The following LRRC4C variants were observed in gnomAD, a reference collection of about 807,000 sequenced individuals.
The protein encoded by LRRC4C is leucine rich repeat containing 4C, also known as leucine-rich repeat-containing protein 4C.
A neutral mutation model predicts 33.6 loss-of-function variants in LRRC4C; 5 were observed. The observed-to-expected ratio is 0.15, with a 90% confidence interval of 0.08 to 0.31. LRRC4C has a LOEUF of 0.31. Ranked by LOEUF, LRRC4C falls within the 10% of genes least tolerant of loss-of-function variation. The probability of loss-of-function intolerance (pLI) is 1.00; values close to 1 mark genes in which losing one functional copy is unlikely to be tolerated. For synonymous variants in LRRC4C, 329 were observed against 302.0 expected (o/e 1.09, Z -0.93); for missense variants, 560 against 796.7 (o/e 0.70, Z 3.58).
At chr11:40,969,370 TATA>T (rs1396106876) in intron 1 of LRRC4C, among the ~76,000 whole-genome samples, 2 of 151,708 alleles carry the variant, frequency 1.3e-5, no homozygotes, top group Non-Finnish European at 2.9e-5. Context: ...ACAAATAATT[TATA>T]ATATTACATA....
chr11:41,123,014 C>T (rs1157047015), intron 1 of LRRC4C: 1 of 152,028 alleles, frequency 6.6e-6, no homozygotes, highest in East Asian at 1.9e-4. Flanking sequence ...TAAGTGAGCA[C>T]TATACTAAAT....
intron 4 of LRRC4C, among the ~76,000 whole-genome samples, chr11:40,272,336 A>G (rs1942768326): frequency 6.6e-6 from 1 of 152,148 alleles, no homozygotes; most frequent in Non-Finnish European, 1.5e-5. Flanking sequence ...ATATCTGAAA[A>G]CATAATGGGC....
chr11:41,347,751 T>C (rs1005904136), intron 1 of LRRC4C, among the ~76,000 whole-genome samples: 1 of 152,190 alleles, frequency 6.6e-6, no homozygotes, highest in Non-Finnish European at 1.5e-5. Context: ...TGGTGAGCAG[T>C]GAGAGTTTAT....
intron 1 of LRRC4C, among the ~76,000 whole-genome samples, chr11:41,453,073 C>T (rs1956075340): frequency 6.6e-6 from 1 of 152,022 alleles, no homozygotes; most frequent in African/African-American, 2.4e-5. Context: ...GTAACCTTCC[C>T]AAAGGTATGT....
chr11:40,672,777 C>G (rs1488648753), intron 2 of LRRC4C, among the ~76,000 whole-genome samples: 1 of 152,144 alleles, frequency 6.6e-6, no homozygotes, highest in Admixed American at 6.5e-5. Context: ...AGAGGAATAA[C>G]ATCTCAGTCA....
At position 40,777,934 on chromosome 11, in the gene LRRC4C, C is replaced by T. The variant is rs187182391; in HGVS notation, c.-406-129656G>A. Among the ~76,000 whole-genome samples, 1,028 of 152,098 alleles carry T rather than the reference C, an allele frequency of 6.8e-3. 6 individuals are homozygous for T. The highest frequency in any genetic ancestry group is 0.012 in the Non-Finnish European group (834 of 67,988). Reference sequence around the variant, plus strand: ...CGATCTCCTGATCTCGTGATCCACCCGCCTCGGCCTCCCAAAGTGCTGGGA... The same window carrying T: ...CGATCTCCTGATCTCGTGATCCACCTGCCTCGGCCTCCCAAAGTGCTGGGA... On this transcript the variant is annotated intron_variant, in intron 2 of 6. Transcript: ENST00000528697.
intron 3 of LRRC4C, among the ~76,000 whole-genome samples, chr11:40,600,462 A>C (rs890513431): frequency 6.6e-6 from 1 of 152,206 alleles, no homozygotes; most frequent in Admixed American, 6.5e-5. Context: ...GTGGTTTTTC[A>C]ATAGGACACT....
chr11:40,872,089 T>A (rs1368782546), intron 2 of LRRC4C, among the ~76,000 whole-genome samples: 2 of 152,102 alleles, frequency 1.3e-5, no homozygotes, highest in Non-Finnish European at 2.9e-5. Flanking sequence ...CTAAACGAGT[T>A]TCCTGTGTGA....
chr11:40,146,006 A>G (rs11035711), intron 5 of LRRC4C, among the ~76,000 whole-genome samples: 14,456 of 152,148 alleles, frequency 0.095, 795 homozygotes, highest in South Asian at 0.17. Context: ...GGAGAGAGCA[A>G]GGTATATGGG....
intron 1 of LRRC4C, among the ~76,000 whole-genome samples, chr11:41,436,058 G>T (rs563002664): frequency 2.6e-5 from 4 of 152,212 alleles, no homozygotes; most frequent in East Asian, 3.9e-4. Flanking sequence ...ATAAAAATTA[G>T]CTGGGTGTGG....
At chr11:41,097,897 C>G (rs1940915226) in intron 1 of LRRC4C, among the ~76,000 whole-genome samples, 1 of 152,072 alleles carries the variant, frequency 6.6e-6, no homozygotes, top group Non-Finnish European at 1.5e-5. Flanking sequence ...TTAACACACC[C>G]CCATGCCCTG....
chr11:40,230,141 GA>G (rs1219231564), intron 5 of LRRC4C, among the ~76,000 whole-genome samples: 2 of 152,190 alleles, frequency 1.3e-5, no homozygotes, highest in African/African-American at 4.8e-5. Context: ...AAAGGACAGA[GA>G]CATTCAGCAA....
At chr11:41,252,854 C>T (rs1268467462) in intron 1 of LRRC4C, among the ~76,000 whole-genome samples, 2 of 152,094 alleles carry the variant, frequency 1.3e-5, no homozygotes, top group Non-Finnish European at 2.9e-5. Context: ...ATAAAACCAT[C>T]AGATCTCATG....
intron 3 of LRRC4C, among the ~76,000 whole-genome samples, chr11:40,404,173 G>A: frequency 6.6e-6 from 1 of 152,088 alleles, no homozygotes; most frequent in Admixed American, 6.6e-5. Flanking sequence ...GCTGGCTGAT[G>A]GAAGAACTTT....
At chr11:40,259,568 C>T (rs1299867756) in intron 4 of LRRC4C, among the ~76,000 whole-genome samples, 1 of 151,942 alleles carries the variant, frequency 6.6e-6, no homozygotes, top group Non-Finnish European at 1.5e-5. Context: ...GTCTTTAATC[C>T]ATCTTGAATT....
chr11:40,757,559 T>C (rs1949012945), intron 2 of LRRC4C, among the ~76,000 whole-genome samples: 1 of 151,816 alleles, frequency 6.6e-6, no homozygotes, highest in Non-Finnish European at 1.5e-5. Flanking sequence ...ATTATCTACC[T>C]GCTTCCCAAG....
chr11:41,300,565 C>CAT (rs1454610080), intron 1 of LRRC4C, among the ~76,000 whole-genome samples: 1 of 152,156 alleles, frequency 6.6e-6, no homozygotes, highest in Non-Finnish European at 1.5e-5. Context: ...ATGAACAATT[C>CAT]CTGGCTTCTC....
chr11:40,299,664 G>A (rs1241269919), intron 4 of LRRC4C, among the ~76,000 whole-genome samples: 1 of 152,236 alleles, frequency 6.6e-6, no homozygotes, highest in East Asian at 1.9e-4. Context: ...ATTTTAACAT[G>A]TATTGGGACC....
At chr11:40,465,600 C>G (rs1285373491) in intron 3 of LRRC4C, among the ~76,000 whole-genome samples, 1 of 151,052 alleles carries the variant, frequency 6.6e-6, no homozygotes, top group Non-Finnish European at 1.5e-5. Context: ...AACAACTAAA[C>G]AAGAAAAAAA....
Sources: allele counts gnomAD v4.1 joint callset (sites outside exome capture counted in the v4.1 genomes callset), GRCh38; gene constraint gnomAD v4.1.1; transcripts MANE v1.5; gene names NCBI Gene and HGNC (gene_info 2026-07-23, HGNC 2026-07-21).